The following KIAA0586 variants were observed in gnomAD, a reference collection of about 807,000 sequenced individuals.
The protein encoded by KIAA0586 is KIAA0586.
Under a neutral mutation model 169.8 loss-of-function variants are expected in KIAA0586, and 144 were observed. That is an observed-to-expected ratio of 0.85 (90% CI 0.74 to 0.97). The LOEUF (loss-of-function observed/expected upper bound fraction) is 0.97. KIAA0586 is among the 50% of genes least tolerant of loss of function. The pLI is 0.00. For missense variants in KIAA0586, 1,854 were observed against 1,823.0 expected, an observed-to-expected ratio of 1.02 and a Z score of -0.31; for synonymous variants, 625 against 612.4, an observed-to-expected ratio of 1.02 and a Z score of -0.30.
chr14:58,467,656 A>G (rs1268318225), intron 15 of KIAA0586, 79 bp from the exon 16 acceptor site: 3 of 1,034,414 alleles, frequency 2.9e-6, no homozygotes, highest in Non-Finnish European at 4.3e-6. Context: ...GAATATAGCC[A>G]TTAAGATCCA....
At chr14:58,512,500 C>G in intron 28 of KIAA0586, 22 bp from the exon 29 acceptor site, 1 of 1,249,908 alleles carries the variant, frequency 8.0e-7, no homozygotes, top group Middle Eastern at 2.2e-4. Flanking sequence ...AATATTATGA[C>G]TTCATATCTT....
chr14:58,430,792 C>G (rs2037299756), intron 3 of KIAA0586, 75 bp downstream of exon 3: 1 of 802,602 alleles, frequency 1.2e-6, no homozygotes, highest in African/African-American at 1.7e-5. Context: ...TTAAAATGTA[C>G]AGTTCTGTGA....
Position 58,480,178 on chromosome 14 carries a change from C to G in KIAA0586, c.2945-2335C>G, listed in dbSNP as rs372111614. 3.3e-5 allele frequency among the ~76,000 whole-genome samples: 5 copies of G among 152,094 alleles called. 1 individual carries two copies. Among genetic ancestry groups the G allele is most frequent in the South Asian group, 2.1e-4 (1 of 4,824 alleles). On this transcript the variant is annotated intron_variant, in intron 20 of 30. Transcript: ENST00000652326. ...AGGTTGGCCTTCTTTTGCCCTCCCC[C>G]TCAAGAAACTCCTTTCTCACAGCAT...
At chr14:58,514,089 C>A (rs1440989934) in intron 29 of KIAA0586, among the ~76,000 whole-genome samples, 1 of 151,968 alleles carries the variant, frequency 6.6e-6, no homozygotes, top group Non-Finnish European at 1.5e-5. Context: ...TAAATACAGG[C>A]GAAGTCTTTC....
upstream of KIAA0586, chr14:58,427,718 C>A (rs750016299): frequency 3.9e-6 from 6 of 1,534,678 alleles, no homozygotes; most frequent in African/African-American, 1.4e-5. Context: ...GGGCAACTGA[C>A]GCTGTTGTCA....
chr14:58,556,722 A>G, the KIAA0586 span, among the ~76,000 whole-genome samples: 1 of 152,084 alleles, frequency 6.6e-6, no homozygotes, highest in Non-Finnish European at 1.5e-5. Flanking sequence ...TGATATTCAT[A>G]TATATTTTTG....
intron 6 of KIAA0586, among the ~76,000 whole-genome samples, chr14:58,445,272 A>G (rs1383534635): frequency 6.6e-6 from 1 of 152,118 alleles, no homozygotes; most frequent in African/African-American, 2.4e-5. Context: ...TTGGATAAGA[A>G]CTACCTGGTG....
At chr14:58,484,924 A>ATATATATTT (rs1566877360) in intron 21 of KIAA0586, among the ~76,000 whole-genome samples, 1 of 13,052 alleles carries the variant, frequency 7.7e-5, no homozygotes, top group Non-Finnish European at 1.3e-4. Flanking sequence ...ATATATATAT[A>ATATATATTT]TTTTTTTTTT....
At position 58,467,916 on chromosome 14, in the gene KIAA0586, T is replaced by C. The variant is rs932236604; in HGVS notation, c.2436T>C (p.Thr812=). 1.2e-6 allele frequency: 2 copies of C among 1,608,234 alleles called. No homozygotes were observed. Among genetic ancestry groups the C allele is most frequent in the Non-Finnish European group, 1.7e-6 (2 of 1,177,648 alleles). Residue 812 remains threonine (T), a synonymous_variant, in exon 16 of 31, where the codon ACT becomes ACC. Coordinates refer to ENST00000652326, the MANE Select transcript of KIAA0586 (RefSeq NM_001329943.3). The part of the protein sequence containing the change: ...KSEKKDPPQL[T]VQVLPSVDID... ...AAAAAAAGGATCCTCCTCAGCTTAC[T>C]GTGCAGGTATGCCAGGGTGCATGAG...
intron 18 of KIAA0586, among the ~76,000 whole-genome samples, chr14:58,473,788 G>A (rs1340514877): frequency 6.6e-6 from 1 of 151,856 alleles, no homozygotes; most frequent in African/African-American, 2.4e-5. Flanking sequence ...CGCCTGTAAT[G>A]CCAGCATCTC....
chr14:58,463,131 C>G (rs80186298), intron 14 of KIAA0586, among the ~76,000 whole-genome samples: 1 of 352 alleles, frequency 2.8e-3, no homozygotes, highest in Non-Finnish European at 0.02. Context: ...TTGCATGGTT[C>G]TCTCTCTCAA....
intron 30 of KIAA0586, among the ~76,000 whole-genome samples, chr14:58,542,260 C>T (rs564392962): frequency 2.0e-5 from 3 of 152,026 alleles, no homozygotes; most frequent in South Asian, 2.1e-4. Context: ...GGGCAGATCA[C>T]GGGGTCAGGA....
chr14:58,532,154 G>T (rs955450404), intron 29 of KIAA0586, among the ~76,000 whole-genome samples: 12 of 151,452 alleles, frequency 7.9e-5, no homozygotes, highest in Middle Eastern at 3.4e-3. Flanking sequence ...TGCACGTTCT[G>T]CATATGTATC....
chr14:58,485,820 A>G (rs764239289), intron 21 of KIAA0586, among the ~76,000 whole-genome samples: 3 of 151,844 alleles, frequency 2.0e-5, no homozygotes, highest in Non-Finnish European at 4.4e-5. Context: ...ATTACTTTTT[A>G]TATACTCAGT....
chr14:58,487,598 T>C (rs1157595914), intron 22 of KIAA0586, among the ~76,000 whole-genome samples: 2 of 151,216 alleles, frequency 1.3e-5, no homozygotes, highest in Admixed American at 6.6e-5. Flanking sequence ...GGAGTGAGAC[T>C]CCGTCTCACA....
intron 6 of KIAA0586, among the ~76,000 whole-genome samples, chr14:58,444,659 A>G (rs902800219): frequency 8.9e-4 from 136 of 152,066 alleles, no homozygotes; most frequent in African/African-American, 3.2e-3. Flanking sequence ...CCTGACCTCA[A>G]GTGATCTGCC....
intron 14 of KIAA0586, among the ~76,000 whole-genome samples, chr14:58,463,105 C>G (rs903551480): frequency 7.5e-6 from 1 of 133,948 alleles, no homozygotes; most frequent in African/African-American, 2.8e-5. Context: ...GTCTGGAGAG[C>G]TCTTCGTTCA....
At chr14:58,526,558 T>C (rs11845672) in intron 29 of KIAA0586, among the ~76,000 whole-genome samples, 2,538 of 152,172 alleles carry the variant, frequency 0.017, 73 homozygotes, top group African/African-American at 0.056. Context: ...TGAAGGTCAC[T>C]AACATCAAAG....
rs558480884 is a variant in KIAA0586, at chr14:58,543,824, A to G, written c.4495+3688A>G. The G allele has an allele frequency of 2.9e-4, 125 of 435,436 alleles. No individual in the cohort carries two copies. In the East Asian group the frequency reaches 7.7e-3, roughly 27 times the overall value. 27.0% of individuals were successfully genotyped at this position (435,436 alleles called of 1,614,324 possible). The stretch of plus-strand genomic sequence containing the variant: ...TTATAGATCCGTCTCCCGTCTCTCT[A>G]TTTTCCACACAGCTATTAGGATGAT... On this transcript the variant is annotated intron_variant, in intron 30 of 30. Coordinates refer to ENST00000652326, the MANE Select transcript of KIAA0586 (RefSeq NM_001329943.3).
Sources: gnomAD v4.1 joint callset for allele counts (sites outside exome capture counted in the v4.1 genomes callset) on GRCh38, gnomAD v4.1.1 for gene constraint, MANE v1.5 for transcripts, NCBI Gene and HGNC (gene_info 2026-07-23, HGNC 2026-07-21) for gene names.